The following TRABD2B variants were observed in gnomAD, a reference collection of about 807,000 sequenced individuals.
The protein encoded by TRABD2B is metalloprotease TIKI2.
A neutral mutation model predicts 40.1 loss-of-function variants in TRABD2B; 14 were observed. The ratio of observed to expected loss-of-function variants is 0.35; its 90% confidence interval spans 0.23 to 0.55. The LOEUF is 0.55. Among genes scored for constraint, TRABD2B ranks in the 20% least tolerant of loss-of-function variants. TRABD2B has a pLI of 0.90. For missense variants in TRABD2B, 541 were observed against 648.6 expected (o/e 0.83, Z 1.80); for synonymous variants, 263 against 277.0 (o/e 0.95, Z 0.50).
chr1:47,883,346 A>C (rs1484978771), intron 2 of TRABD2B, among the ~76,000 whole-genome samples: 1 of 152,242 alleles, frequency 6.6e-6, no homozygotes, highest in Non-Finnish European at 1.5e-5. Flanking sequence ...TCTGTAGCTC[A>C]AAATGCTGGT....
chr1:47,916,635 C>T lies in TRABD2B; in HGVS notation c.666+77399G>A, dbSNP rs575298787. On this transcript the variant is annotated intron_variant, in intron 2 of 6. Transcript: ENST00000606738. The stretch of plus-strand genomic sequence containing the variant: ...AATGGAAGCAGGAGAAATTTCTGCA[C>T]ATTGGCTGAATGACAAGAAAATCCA... 1.4e-4 allele frequency among the ~76,000 whole-genome samples: 22 copies of T among 152,348 alleles called. No individual in the cohort carries two copies. The South Asian group carries it at 4.1e-3, about 29-fold the overall frequency.
chr1:47,956,395 A>G (rs1645422833), intron 2 of TRABD2B, among the ~76,000 whole-genome samples: 1 of 152,218 alleles, frequency 6.6e-6, no homozygotes, highest in Non-Finnish European at 1.5e-5. Flanking sequence ...CATGAGCTGA[A>G]GCAGGGCGGG....
intron 2 of TRABD2B, among the ~76,000 whole-genome samples, chr1:47,847,964 T>G (rs1211499699): frequency 6.6e-6 from 1 of 152,116 alleles, no homozygotes; most frequent in Non-Finnish European, 1.5e-5. Context: ...GCTGACGCCA[T>G]AAATTCCAGC....
intron 2 of TRABD2B, among the ~76,000 whole-genome samples, chr1:47,953,556 G>A (rs906172035): frequency 5.9e-5 from 9 of 152,130 alleles, no homozygotes; most frequent in African/African-American, 1.4e-4. Context: ...AGAGGCCTCC[G>A]GGGCAGTTGG....
chr1:47,840,334 G>A (rs892211978), intron 2 of TRABD2B, among the ~76,000 whole-genome samples: 5 of 152,176 alleles, frequency 3.3e-5, no homozygotes, highest in Admixed American at 2.0e-4. Flanking sequence ...TCCATTTCCA[G>A]CAGTGGAGAC....
At position 47,762,244 on chromosome 1, in the gene TRABD2B, A is replaced by G. The variant is rs1263670877; in HGVS notation, c.*3658T>C. The G allele has an allele frequency of 6.6e-6, 1 of 152,160 alleles. No homozygotes were observed. The highest frequency in any genetic ancestry group is 1.5e-5 in the Non-Finnish European group (1 of 68,050). The allele number at this position is 152,160 out of a possible 1,614,324, so 9.4% of individuals were successfully genotyped here. A position where few individuals can be genotyped will look rare whatever the true frequency, so the allele number is the denominator to read the frequency against. On this transcript the variant is annotated 3_prime_UTR_variant, in exon 7 of 7. Coordinates refer to ENST00000606738, the MANE Select transcript of TRABD2B (RefSeq NM_001194986.2). ...AGGCACAGGGTAAGAGACATGAGAG[A>G]CGTGGCTGGTCAGCAGGGTTGGGTC... is the stretch of plus-strand genomic sequence containing the variant.
intron 2 of TRABD2B, among the ~76,000 whole-genome samples, chr1:47,831,201 G>A (rs1312862346): frequency 6.6e-6 from 1 of 152,134 alleles, no homozygotes; most frequent in East Asian, 1.9e-4. Context: ...CCAACAGTTG[G>A]GAGGACTGGC....
At chr1:47,933,254 C>T (rs903971189) in intron 2 of TRABD2B, among the ~76,000 whole-genome samples, 3 of 151,876 alleles carry the variant, frequency 2.0e-5, no homozygotes, top group Non-Finnish European at 2.9e-5. Context: ...TATAGGCACC[C>T]GCCACCACGC....
At chr1:47,850,936 T>C (rs1321328276) in intron 2 of TRABD2B, among the ~76,000 whole-genome samples, 2 of 152,184 alleles carry the variant, frequency 1.3e-5, no homozygotes, top group African/African-American at 2.4e-5. Flanking sequence ...CCTAGATCAC[T>C]TGCATGCACA....
intron 2 of TRABD2B, among the ~76,000 whole-genome samples, chr1:47,966,194 G>A (rs1002346186): frequency 2.0e-5 from 3 of 152,116 alleles, no homozygotes; most frequent in Non-Finnish European, 4.4e-5. Context: ...CCAGGGCAGG[G>A]GGCTGTGGGA....
At chr1:47,957,885 G>C (rs1171337028) in intron 2 of TRABD2B, among the ~76,000 whole-genome samples, 2 of 152,136 alleles carry the variant, frequency 1.3e-5, no homozygotes, top group Admixed American at 1.3e-4. Context: ...TTCGATAAGA[G>C]CAACTCCAAG....
chr1:47,991,046 A>C (rs1415676736), intron 2 of TRABD2B, among the ~76,000 whole-genome samples: 1 of 151,718 alleles, frequency 6.6e-6, no homozygotes, highest in African/African-American at 2.4e-5. Context: ...GGGAGAGAGA[A>C]ACAGAAGAAA....
At chr1:47,863,169 A>G (rs1329959546) in intron 2 of TRABD2B, among the ~76,000 whole-genome samples, 3 of 151,816 alleles carry the variant, frequency 2.0e-5, no homozygotes. Flanking sequence ...GACTTTTTAG[A>G]TAGGACACCA....
intron 2 of TRABD2B, among the ~76,000 whole-genome samples, chr1:47,863,591 C>T (rs1027035165): frequency 6.6e-6 from 1 of 151,902 alleles, no homozygotes; most frequent in African/African-American, 2.4e-5. Context: ...AAATCCAGAA[C>T]ACTGATAGTG....
chr1:47,937,085 CACT>C (rs1645119165), intron 2 of TRABD2B, among the ~76,000 whole-genome samples: 1 of 151,304 alleles, frequency 6.6e-6, no homozygotes, highest in Non-Finnish European at 1.5e-5. Flanking sequence ...TCATCATCAC[CACT>C]ACCATGATCA....
rs61284530 is a variant in TRABD2B at position 47,958,068 on chromosome 1, G to A, written c.666+35966C>T. 2.9e-4 allele frequency among the ~76,000 whole-genome samples: 44 copies of A among 152,170 alleles called. No individual in the cohort carries two copies. The East Asian group carries it at 8.1e-3, about 28-fold the overall frequency. On this transcript the variant is annotated intron_variant, in intron 2 of 6. Transcript: ENST00000606738. Reference sequence around the variant, plus strand: ...GGGGTCAATATTCAACATTCTTAAAGAAAAGAATTTTCAACCCAGAATTTC... The same window carrying A: ...GGGGTCAATATTCAACATTCTTAAAAAAAAGAATTTTCAACCCAGAATTTC...
chr1:47,774,226 G>A (rs929467592), intron 6 of TRABD2B, among the ~76,000 whole-genome samples: 3 of 152,226 alleles, frequency 2.0e-5, no homozygotes, highest in East Asian at 3.9e-4. Context: ...CTAGGGTTTC[G>A]GGGGAAAATC....
chr1:47,810,094 A>G (rs1644942159), intron 2 of TRABD2B, among the ~76,000 whole-genome samples: 1 of 152,064 alleles, frequency 6.6e-6, no homozygotes, highest in Non-Finnish European at 1.5e-5. Context: ...TATGTTGGAG[A>G]GTGATAGTTG....
intron 2 of TRABD2B, among the ~76,000 whole-genome samples, chr1:47,895,383 C>A (rs1027355761): frequency 1.3e-5 from 2 of 152,180 alleles, no homozygotes; most frequent in Non-Finnish European, 2.9e-5. Flanking sequence ...CGGAGGGAAG[C>A]ATGTACACTT....
Sources: gnomAD v4.1 joint callset for allele counts (sites outside exome capture counted in the v4.1 genomes callset) on GRCh38, gnomAD v4.1.1 for gene constraint, MANE v1.5 for transcripts, NCBI Gene and HGNC (gene_info 2026-07-23, HGNC 2026-07-21) for gene names.